Variants in DOCK1 observed in about 807,000 individuals in gnomAD.
The protein encoded by DOCK1 is dedicator of cytokinesis 1.
DOCK1 carries 138 observed loss-of-function variants against 262.7 expected under a neutral mutation model. That is an observed-to-expected ratio of 0.53 (90% CI 0.46 to 0.61). DOCK1 has a LOEUF of 0.61. Ranked by LOEUF, DOCK1 falls within the 20% of genes least tolerant of loss-of-function variation. The probability of loss-of-function intolerance (pLI) is 0.00; values close to 1 mark genes in which losing one functional copy is unlikely to be tolerated. For missense variants in DOCK1, 1,908 were observed against 2,370.7 expected (o/e 0.80, Z 4.05); for synonymous variants, 866 against 867.4 (o/e 1.00, Z 0.03).
At position 127,391,763 on chromosome 10, in the gene DOCK1, G is replaced by A. The variant is rs372014956; in HGVS notation, c.3927+6854G>A. 6.5e-4 allele frequency among the ~76,000 whole-genome samples: 99 copies of A among 152,120 alleles called. 3 individuals are homozygous for A. In the South Asian group the frequency reaches 0.017, roughly 26 times the overall value. On this transcript the variant is annotated intron_variant, in intron 38 of 51. Transcript: ENST00000623213. ...ACTTTGTGTCTCCTTGTAAGCTCTC[G>A]GTCCCTCTCACCTGGGTCTGTCTGA...
At chr10:127,443,803 T>C (rs2070350340) in intron 49 of DOCK1, among the ~76,000 whole-genome samples, 1 of 152,080 alleles carries the variant, frequency 6.6e-6, no homozygotes, top group Non-Finnish European at 1.5e-5. Context: ...ATGGGGTGTT[T>C]CAGGATGCTG....
intron 18 of DOCK1, among the ~76,000 whole-genome samples, chr10:127,036,644 T>C (rs1480325438): frequency 6.6e-6 from 1 of 152,124 alleles, no homozygotes; most frequent in Non-Finnish European, 1.5e-5. Flanking sequence ...ATATGTACTT[T>C]CCTAGAGAGC....
chr10:127,362,272 C>T (rs2064502397), intron 33 of DOCK1, 60 bp downstream of exon 33: 9 of 1,575,082 alleles, frequency 5.7e-6, no homozygotes, highest in Non-Finnish European at 6.9e-6. Flanking sequence ...ACCTGAAAAC[C>T]TTCAAAGAAA....
intron 29 of DOCK1, among the ~76,000 whole-genome samples, chr10:127,258,552 A>G (rs2059905450): frequency 2.0e-5 from 3 of 152,200 alleles, no homozygotes; most frequent in Admixed American, 2.0e-4. Flanking sequence ...CTGTTGAAGG[A>G]CGTCTGGGCT....
chr10:126,925,503 C>A (rs1380952703), intron 1 of DOCK1, among the ~76,000 whole-genome samples: 1 of 152,174 alleles, frequency 6.6e-6, no homozygotes, highest in Non-Finnish European at 1.5e-5. Context: ...CTTGCCTCAG[C>A]CTGCCAAGTA....
intron 38 of DOCK1, among the ~76,000 whole-genome samples, chr10:127,390,830 A>G (rs963280328): frequency 1.3e-5 from 2 of 152,250 alleles, no homozygotes; most frequent in African/African-American, 2.4e-5. Context: ...GATAGAGTCA[A>G]TATTACTACA....
chr10:127,104,949 T>A (rs1441444902), intron 23 of DOCK1, among the ~76,000 whole-genome samples: 1 of 152,204 alleles, frequency 6.6e-6, no homozygotes, highest in East Asian at 1.9e-4. Context: ...ATGGTTTGGC[T>A]GTGTCCCCAC....
intron 29 of DOCK1, among the ~76,000 whole-genome samples, chr10:127,278,590 T>G (rs192779058): frequency 2.0e-5 from 3 of 152,168 alleles, no homozygotes; most frequent in African/African-American, 4.8e-5. Context: ...AAGACATATA[T>G]TCTTCCCAAA....
intron 27 of DOCK1, among the ~76,000 whole-genome samples, chr10:127,194,363 C>G (rs2056953768): frequency 6.6e-6 from 1 of 152,164 alleles, no homozygotes; most frequent in African/African-American, 2.4e-5. Flanking sequence ...GGCAGGACTT[C>G]CATTTTTTCT....
intron 33 of DOCK1, among the ~76,000 whole-genome samples, chr10:127,369,492 T>C (rs1048358747): frequency 1.2e-4 from 19 of 152,230 alleles, no homozygotes; most frequent in African/African-American, 4.3e-4. Context: ...TAATCCCCTT[T>C]AACCAGATTA....
At chr10:126,986,581 A>T (rs1053097905) in intron 4 of DOCK1, among the ~76,000 whole-genome samples, 1 of 152,196 alleles carries the variant, frequency 6.6e-6, no homozygotes, top group African/African-American at 2.4e-5. Flanking sequence ...GGTTGATTTG[A>T]TGAAAACGAG....
At chr10:127,036,753 C>A (rs2043646028) in intron 18 of DOCK1, among the ~76,000 whole-genome samples, 1 of 151,878 alleles carries the variant, frequency 6.6e-6, no homozygotes, top group Non-Finnish European at 1.5e-5. Context: ...GCAGGTGGAT[C>A]ACCTGCGATC....
At chr10:127,089,718 T>A (rs1223233454) in intron 23 of DOCK1, among the ~76,000 whole-genome samples, 1 of 152,178 alleles carries the variant, frequency 6.6e-6, no homozygotes, top group African/African-American at 2.4e-5. Flanking sequence ...CCTCGAGTCC[T>A]GGGTGGTGGA....
chr10:127,309,635 TC>T (rs2061992528), intron 29 of DOCK1, among the ~76,000 whole-genome samples: 1 of 152,182 alleles, frequency 6.6e-6, no homozygotes, highest in Admixed American at 6.5e-5. Flanking sequence ...AAGGAAGGGA[TC>T]CAGTTTCCGT....
At chr10:127,178,566 T>C (rs993383418) in intron 27 of DOCK1, among the ~76,000 whole-genome samples, 1 of 152,208 alleles carries the variant, frequency 6.6e-6, no homozygotes, top group Non-Finnish European at 1.5e-5. Flanking sequence ...CACCTCTGGA[T>C]GCCTCGGGCT....
chr10:127,225,537 C>A (rs1474208736), intron 27 of DOCK1, among the ~76,000 whole-genome samples: 6 of 152,220 alleles, frequency 3.9e-5, no homozygotes, highest in African/African-American at 1.4e-4. Context: ...TGACTGCCAG[C>A]AACCAAATGA....
intron 22 of DOCK1, among the ~76,000 whole-genome samples, chr10:127,058,132 A>G (rs937088022): frequency 2.6e-5 from 4 of 152,262 alleles, no homozygotes; most frequent in South Asian, 2.1e-4. Context: ...GCAAAATGCT[A>G]TGTTCTAAAC....
chr10:127,048,272 CTGTT>C (rs1197413865), intron 21 of DOCK1, among the ~76,000 whole-genome samples: 1 of 152,056 alleles, frequency 6.6e-6, no homozygotes, highest in African/African-American at 2.4e-5. Flanking sequence ...TACTGAGTAC[CTGTT>C]TATTTTATTT....
chr10:126,918,812 G>A (rs1309959671), intron 1 of DOCK1, among the ~76,000 whole-genome samples: 1 of 152,188 alleles, frequency 6.6e-6, no homozygotes, highest in Non-Finnish European at 1.5e-5. Flanking sequence ...AGCAAAGTCA[G>A]CGAAGTCACT....
Sources: allele counts gnomAD v4.1 joint callset (sites outside exome capture counted in the v4.1 genomes callset), GRCh38; gene constraint gnomAD v4.1.1; transcripts MANE v1.5; gene names NCBI Gene and HGNC (gene_info 2026-07-23, HGNC 2026-07-21).